Variants in FSHR observed in about 807,000 individuals in gnomAD.
FSHR encodes follicle-stimulating hormone receptor.
Under a neutral mutation model 52.1 loss-of-function variants are expected in FSHR, and 46 were observed. The observed-to-expected ratio is 0.88, with a 90% CI of 0.70 to 1.13. The LOEUF is 1.13. Among genes scored for constraint, FSHR ranks in the 50% most tolerant of loss-of-function variants. The pLI, the probability that FSHR is intolerant of heterozygous loss-of-function variation, is 0.00. For missense variants in FSHR, 964 were observed against 834.6 expected, an observed-to-expected ratio of 1.16 and a Z score of -1.91; for synonymous variants, 399 against 309.6, an observed-to-expected ratio of 1.29 and a Z score of -3.03.
At chr2:48,997,109 C>A in intron 4 of FSHR, 1 of 478,034 alleles carries the variant, frequency 2.1e-6, no homozygotes. Flanking sequence ...AGGTCTTCAA[C>A]TTAAGGTTTA....
At chr2:49,131,521 T>G (rs2103811754) in intron 1 of FSHR, among the ~76,000 whole-genome samples, 1 of 152,312 alleles carries the variant, frequency 6.6e-6, no homozygotes, top group East Asian at 1.9e-4. Flanking sequence ...TTTACGGAGA[T>G]TTGAGAAGCC....
intron 2 of FSHR, among the ~76,000 whole-genome samples, chr2:49,061,070 C>T (rs1669270583): frequency 6.6e-6 from 1 of 152,108 alleles, no homozygotes; most frequent in South Asian, 2.1e-4. Context: ...TAGTACTGTA[C>T]CTTGCTCCTC....
intron 9 of FSHR, among the ~76,000 whole-genome samples, chr2:48,968,049 C>T (rs77074532): frequency 6.6e-6 from 1 of 152,284 alleles, no homozygotes; most frequent in East Asian, 1.9e-4. Context: ...TCTCTTTACT[C>T]TTTCCAGATC....
chr2:49,037,215 A>T (rs1313972200), intron 2 of FSHR, among the ~76,000 whole-genome samples: 1 of 152,248 alleles, frequency 6.6e-6, no homozygotes, highest in Non-Finnish European at 1.5e-5. Flanking sequence ...CATGAGGCCA[A>T]TGACACATGA....
At chr2:49,106,145 A>G (rs1047095249) in intron 1 of FSHR, among the ~76,000 whole-genome samples, 52 of 152,172 alleles carry the variant, frequency 3.4e-4, no homozygotes, top group African/African-American at 7.2e-5. Context: ...CTACCTGCCT[A>G]TCTCTCCTTC....
intron 3 of FSHR, among the ~76,000 whole-genome samples, chr2:49,017,819 G>A (rs932723811): frequency 5.9e-5 from 9 of 152,026 alleles, no homozygotes; most frequent in South Asian, 2.1e-4. Context: ...GGCCCTGTCC[G>A]CTGGAGGCAA....
chr2:48,964,005 A>T, intron 9 of FSHR, 39 bp from the exon 10 acceptor site: 1 of 1,583,966 alleles, frequency 6.3e-7, no homozygotes, highest in East Asian at 2.2e-5. Flanking sequence ...AACATCTCAG[A>T]TCCAGTATAG....
At chr2:49,099,598 C>T (rs1456470391) in intron 1 of FSHR, among the ~76,000 whole-genome samples, 2 of 151,872 alleles carry the variant, frequency 1.3e-5, no homozygotes, top group Admixed American at 1.3e-4. Context: ...AGGGTGGGCC[C>T]TAATCCAATA....
intron 4 of FSHR, among the ~76,000 whole-genome samples, chr2:49,008,018 A>T (rs981102741): frequency 1.3e-5 from 2 of 151,538 alleles, no homozygotes; most frequent in African/African-American, 4.8e-5. Context: ...TTTTTTTTAA[A>T]TTTTTTTTAT....
At chr2:48,991,810 C>A (rs1376912207) in intron 4 of FSHR, among the ~76,000 whole-genome samples, 1 of 152,180 alleles carries the variant, frequency 6.6e-6, no homozygotes, top group African/African-American at 2.4e-5. Context: ...TACTCCCATT[C>A]CCTTTTCTGT....
intron 9 of FSHR, among the ~76,000 whole-genome samples, chr2:48,967,717 G>T (rs78211709): frequency 0.026 from 3,950 of 152,228 alleles, 152 homozygotes; most frequent in African/African-American, 0.088. Flanking sequence ...TTTTAGGGTG[G>T]GTACTGTTTT....
At chr2:49,013,575 G>A (rs1667371921) in intron 4 of FSHR, among the ~76,000 whole-genome samples, 1 of 145,554 alleles carries the variant, frequency 6.9e-6, no homozygotes, top group Non-Finnish European at 1.5e-5. Flanking sequence ...ATTTATTGCA[G>A]GTAGAAGTGC....
At chr2:49,062,024 T>C (rs1669330509) in intron 2 of FSHR, among the ~76,000 whole-genome samples, 1 of 151,642 alleles carries the variant, frequency 6.6e-6, no homozygotes, top group Non-Finnish European at 1.5e-5. Flanking sequence ...ATCAACATTA[T>C]GAACATTAAA....
chr2:49,132,093 T>G (rs1375596461), intron 1 of FSHR, among the ~76,000 whole-genome samples: 2 of 152,210 alleles, frequency 1.3e-5, no homozygotes, highest in Non-Finnish European at 2.9e-5. Flanking sequence ...CCTTGGCTCT[T>G]AAATCCCAGC....
At chr2:48,969,886 AAGG>A (rs1674661963) in intron 8 of FSHR, among the ~76,000 whole-genome samples, 1 of 152,194 alleles carries the variant, frequency 6.6e-6, no homozygotes, top group Non-Finnish European at 1.5e-5. Flanking sequence ...TGGTGAGAAC[AAGG>A]AGATTTAAAT....
rs368822214 is a variant in FSHR at position 49,124,635 on chromosome 2, A to T, written c.152+29631T>A. On this transcript the variant is annotated intron_variant, in intron 1 of 9. Coordinates refer to ENST00000406846, the MANE Select transcript of FSHR (RefSeq NM_000145.4). The stretch of plus-strand genomic sequence containing the variant: ...CATGTCCCCAATTAGACTTGTCAGT[A>T]GTCTTGTTGTCACAACCTTCAAACT... Among the ~76,000 whole-genome samples the T allele has an allele frequency of 5.3e-5, 8 of 152,154 alleles. No individual in the cohort carries two copies. The East Asian group carries it at 1.4e-3, about 26-fold the overall frequency.
intron 1 of FSHR, among the ~76,000 whole-genome samples, chr2:49,132,884 A>C (rs1031673869): frequency 6.6e-6 from 1 of 151,666 alleles, no homozygotes; most frequent in Non-Finnish European, 1.5e-5. Context: ...CCAAACAAAA[A>C]CTATTCAGAG....
chr2:49,127,751 TTTCTTCTTCTTC>T (rs1345639633), intron 1 of FSHR, among the ~76,000 whole-genome samples: 1,071 of 77,356 alleles, frequency 0.014, 25 homozygotes, highest in Non-Finnish European at 0.016. Flanking sequence ...CTTCTTCTTC[TTTCTTCTTCTTC>T]TTCTTCTTCT....
intron 1 of FSHR, among the ~76,000 whole-genome samples, chr2:49,145,575 A>G (rs1558466725): frequency 6.6e-6 from 1 of 152,114 alleles, no homozygotes; most frequent in Non-Finnish European, 1.5e-5. Flanking sequence ...CTATGATTTC[A>G]GATTGCACAA....
Sources: gnomAD v4.1 joint callset for allele counts (sites outside exome capture counted in the v4.1 genomes callset) on GRCh38, gnomAD v4.1.1 for gene constraint, MANE v1.5 for transcripts, NCBI Gene and HGNC (gene_info 2026-07-23, HGNC 2026-07-21) for gene names.